B3GALT1: variants seen among roughly 807,000 people sequenced by gnomAD.
The protein encoded by B3GALT1 is beta-1,3-galactosyltransferase 1, also known as UDP-Gal:betaGlcNAc beta 1,3-galactosyltransferase, polypeptide 1.
B3GALT1 carries 10 observed loss-of-function variants against 23.2 expected under a neutral mutation model. The ratio of observed to expected loss-of-function variants is 0.43; its 90% confidence interval spans 0.27 to 0.73. B3GALT1 has a LOEUF of 0.73. Ranked by LOEUF, B3GALT1 falls within the 30% of genes least tolerant of loss-of-function variation. B3GALT1 has a pLI of 0.21. For synonymous variants in B3GALT1, 156 were observed against 141.5 expected, an observed-to-expected ratio of 1.10 and a Z score of -0.73; for missense variants, 299 against 405.4, an observed-to-expected ratio of 0.74 and a Z score of 2.25.
At chr2:167,808,267 C>G (rs1281025478) in intron 3 of B3GALT1, among the ~76,000 whole-genome samples, 1 of 151,048 alleles carries the variant, frequency 6.6e-6, no homozygotes, top group Non-Finnish European at 1.5e-5. Context: ...ATTTGCCAGT[C>G]TGTGTCTTTT....
At chr2:167,372,767 A>G (rs1453764040) in intron 1 of B3GALT1, among the ~76,000 whole-genome samples, 1 of 152,050 alleles carries the variant, frequency 6.6e-6, no homozygotes, top group African/African-American at 2.4e-5. Context: ...AAATAACAAA[A>G]ATTGTAAAAG....
At chr2:167,594,993 A>G (rs1574158184) in intron 2 of B3GALT1, among the ~76,000 whole-genome samples, 1 of 152,182 alleles carries the variant, frequency 6.6e-6, no homozygotes, top group East Asian at 1.9e-4. Context: ...CAATCAACTT[A>G]AACCCATCCC....
At chr2:167,586,654 A>G (rs2105412144) in intron 2 of B3GALT1, among the ~76,000 whole-genome samples, 1 of 152,310 alleles carries the variant, frequency 6.6e-6, no homozygotes, top group African/African-American at 2.4e-5. Context: ...TCATTTTAAC[A>G]GAGAGCTGAG....
intron 1 of B3GALT1, among the ~76,000 whole-genome samples, chr2:167,355,553 T>C (rs762909685): frequency 1.4e-4 from 21 of 150,728 alleles, no homozygotes; most frequent in Admixed American, 7.2e-4. Flanking sequence ...CTATCTAGGC[T>C]ATTTAAATAT....
intron 3 of B3GALT1, among the ~76,000 whole-genome samples, chr2:167,688,464 TGAA>T (rs1201477307): frequency 6.6e-6 from 1 of 151,948 alleles, no homozygotes; most frequent in Admixed American, 6.6e-5. Flanking sequence ...ATATAAAATA[TGAA>T]GAAGGACTGA....
intron 2 of B3GALT1, among the ~76,000 whole-genome samples, chr2:167,540,976 GT>G (rs1683525148): frequency 1.3e-5 from 2 of 152,132 alleles, no homozygotes; most frequent in Non-Finnish European, 2.9e-5. Context: ...AGCATGCTTT[GT>G]TTGGATGAAA....
chr2:167,781,195 C>T (rs998409233), intron 3 of B3GALT1, among the ~76,000 whole-genome samples: 1 of 152,082 alleles, frequency 6.6e-6, no homozygotes, highest in African/African-American at 2.4e-5. Context: ...ATAAGCCCTA[C>T]TAAGAATTTT....
At chr2:167,576,294 C>A (rs1684382641) in intron 2 of B3GALT1, among the ~76,000 whole-genome samples, 1 of 151,688 alleles carries the variant, frequency 6.6e-6, no homozygotes, top group South Asian at 2.1e-4. Context: ...TCAAAACTTA[C>A]CTCAAAAATA....
chr2:167,485,998 C>A (rs1699621612), intron 1 of B3GALT1, among the ~76,000 whole-genome samples: 1 of 152,134 alleles, frequency 6.6e-6, no homozygotes, highest in Non-Finnish European at 1.5e-5. Flanking sequence ...TAGAAATTAT[C>A]TAGAATTCTG....
intron 2 of B3GALT1, among the ~76,000 whole-genome samples, chr2:167,501,211 G>A (rs1699843892): frequency 1.3e-5 from 2 of 152,034 alleles, no homozygotes; most frequent in South Asian, 4.1e-4. Context: ...TTTAAAGTGG[G>A]TATGTTGAAC....
At chr2:167,851,109 T>C (rs1331673779) in intron 4 of B3GALT1, among the ~76,000 whole-genome samples, 1 of 152,206 alleles carries the variant, frequency 6.6e-6, no homozygotes, top group African/African-American at 2.4e-5. Flanking sequence ...TTTGTTTTTA[T>C]CCTTTAGATT....
chr2:167,797,112 T>G (rs1558982057), intron 3 of B3GALT1, among the ~76,000 whole-genome samples: 1 of 152,166 alleles, frequency 6.6e-6, no homozygotes, highest in Non-Finnish European at 1.5e-5. Context: ...TAGCTAATCT[T>G]TCTAATGCTC....
At chr2:167,689,481 C>T (rs1159292201) in intron 3 of B3GALT1, among the ~76,000 whole-genome samples, 2 of 152,124 alleles carry the variant, frequency 1.3e-5, no homozygotes, top group Non-Finnish European at 2.9e-5. Flanking sequence ...GAAGAAAGAA[C>T]ATGGCAAGCA....
At chr2:167,668,228 C>T (rs1022442974) in intron 3 of B3GALT1, among the ~76,000 whole-genome samples, 9 of 151,820 alleles carry the variant, frequency 5.9e-5, no homozygotes, top group African/African-American at 1.9e-4. Flanking sequence ...TGTTAGTCTG[C>T]CCCTGCTGGA....
chr2:167,416,690 C>T (rs775028442), intron 1 of B3GALT1, among the ~76,000 whole-genome samples: 2 of 152,148 alleles, frequency 1.3e-5, no homozygotes, highest in Non-Finnish European at 2.9e-5. Context: ...TGGATTTCTA[C>T]CTGTATGAGC....
chr2:167,458,652 G>A (rs1699209442), intron 1 of B3GALT1, among the ~76,000 whole-genome samples: 1 of 152,140 alleles, frequency 6.6e-6, no homozygotes, highest in African/African-American at 2.4e-5. Context: ...CCATGCTAAT[G>A]CGTATGAAGT....
chr2:167,868,557 G>A (rs966577087), intron 4 of B3GALT1, among the ~76,000 whole-genome samples: 2 of 150,828 alleles, frequency 1.3e-5, no homozygotes, highest in South Asian at 2.1e-4. Flanking sequence ...CTAATGTTCC[G>A]CTTACTTCAC....
intron 1 of B3GALT1, among the ~76,000 whole-genome samples, chr2:167,376,363 A>G (rs566289397): frequency 1.3e-5 from 2 of 152,202 alleles, no homozygotes; most frequent in East Asian, 1.9e-4. Context: ...GCTTTGTAGA[A>G]TAAGTTAGGG....
intron 3 of B3GALT1, among the ~76,000 whole-genome samples, chr2:167,776,282 T>A (rs1200968154): frequency 6.6e-6 from 1 of 152,144 alleles, no homozygotes; most frequent in Admixed American, 6.5e-5. Flanking sequence ...GTGAGGAAAC[T>A]TCCACACTAT....
Sources: allele counts gnomAD v4.1 joint callset (sites outside exome capture counted in the v4.1 genomes callset), GRCh38; gene constraint gnomAD v4.1.1; transcripts MANE v1.5; gene names NCBI Gene and HGNC (gene_info 2026-07-23, HGNC 2026-07-21).